The following DLGAP2 variants were observed in gnomAD, a reference collection of about 807,000 sequenced individuals.
The protein encoded by DLGAP2 is disks large-associated protein 2.
A neutral mutation model predicts 100.3 loss-of-function variants in DLGAP2; 26 were observed. That is an observed-to-expected ratio of 0.26 (90% CI 0.19 to 0.36). DLGAP2 has a LOEUF of 0.36. DLGAP2 is among the 10% of genes least tolerant of loss of function. DLGAP2 has a pLI of 1.00. For synonymous variants in DLGAP2, 886 were observed against 630.1 expected, an observed-to-expected ratio of 1.41 and a Z score of -6.08; for missense variants, 1,858 against 1,453.2, an observed-to-expected ratio of 1.28 and a Z score of -4.53.
intron 8 of DLGAP2, among the ~76,000 whole-genome samples, chr8:1,633,586 C>A (rs958468843): frequency 1.3e-5 from 2 of 152,162 alleles, no homozygotes; most frequent in African/African-American, 4.8e-5. Context: ...CCATACCCAC[C>A]CCTTTGAAAA....
chr8:1,499,645 T>C (rs1302724164), intron 3 of DLGAP2, among the ~76,000 whole-genome samples: 1 of 152,262 alleles, frequency 6.6e-6, no homozygotes, highest in Non-Finnish European at 1.5e-5. Context: ...GAAATGGGGT[T>C]ATGTTAAATC....
intron 2 of DLGAP2, among the ~76,000 whole-genome samples, chr8:1,180,631 C>CGT (rs1797363425): frequency 6.6e-6 from 1 of 151,208 alleles, no homozygotes; most frequent in East Asian, 2.0e-4. Context: ...CACCATCAAG[C>CGT]GTGTCAGTGT....
chr8:1,455,266 T>C (rs989588503), intron 3 of DLGAP2, among the ~76,000 whole-genome samples: 1 of 152,210 alleles, frequency 6.6e-6, no homozygotes. Context: ...GTCCCGCCCA[T>C]CTCAGGCACT....
intron 3 of DLGAP2, among the ~76,000 whole-genome samples, chr8:1,337,435 A>ATGG (rs1467476350): frequency 7.8e-6 from 1 of 128,968 alleles, no homozygotes; most frequent in Non-Finnish European, 1.7e-5. Context: ...GGTGATGGTG[A>ATGG]TGATGATGAT....
chr8:1,649,121 T>C (rs975398914), intron 8 of DLGAP2, among the ~76,000 whole-genome samples: 8 of 152,236 alleles, frequency 5.3e-5, no homozygotes, highest in Non-Finnish European at 1.2e-4. Flanking sequence ...GGTGTATACA[T>C]TGAATTTGAA....
At chr8:1,534,553 ACTC>A (rs1185155336) in intron 4 of DLGAP2, among the ~76,000 whole-genome samples, 3 of 152,090 alleles carry the variant, frequency 2.0e-5, no homozygotes, top group Non-Finnish European at 4.4e-5. Flanking sequence ...GAATCACAAA[ACTC>A]CTTATGTTCA....
At chr8:1,458,209 G>A (rs920993849) in intron 3 of DLGAP2, among the ~76,000 whole-genome samples, 2 of 151,784 alleles carry the variant, frequency 1.3e-5, no homozygotes, top group Non-Finnish European at 2.9e-5. Context: ...CCCAGCCTCT[G>A]TTGTCTGATC....
chr8:1,230,250 C>T (rs866634451), intron 2 of DLGAP2, among the ~76,000 whole-genome samples: 1 of 152,136 alleles, frequency 6.6e-6, no homozygotes, highest in South Asian at 2.1e-4. Flanking sequence ...ATCAAGAACG[C>T]TATCCTATTC....
chr8:1,190,517 C>T (rs1797609826), intron 2 of DLGAP2, among the ~76,000 whole-genome samples: 2 of 152,266 alleles, frequency 1.3e-5, no homozygotes, highest in African/African-American at 2.4e-5. Flanking sequence ...AGGAGGCACC[C>T]GTCCCGTTCG....
At chr8:955,627 C>A (rs989684293) in intron 2 of DLGAP2, among the ~76,000 whole-genome samples, 1 of 152,122 alleles carries the variant, frequency 6.6e-6, no homozygotes, top group African/African-American at 2.4e-5. Context: ...AGTGACAGTG[C>A]TCCGTTTTTC....
intron 1 of DLGAP2, among the ~76,000 whole-genome samples, chr8:757,007 C>T (rs1820938057): frequency 6.6e-6 from 1 of 152,174 alleles, no homozygotes; most frequent in South Asian, 2.1e-4. Context: ...GAATGTTTGC[C>T]TCAAGAAGCT....
chr8:1,423,941 G>GA (rs1466368027), intron 3 of DLGAP2, among the ~76,000 whole-genome samples: 1 of 152,234 alleles, frequency 6.6e-6, no homozygotes, highest in Non-Finnish European at 1.5e-5. Flanking sequence ...AAGCAGTGCT[G>GA]AAAAATAGAT....
intron 1 of DLGAP2, among the ~76,000 whole-genome samples, chr8:778,402 G>A (rs967178452): frequency 1.2e-4 from 19 of 152,314 alleles, no homozygotes; most frequent in East Asian, 5.8e-4. Flanking sequence ...ACTGCGTTCC[G>A]TTGGAGGAGG....
intron 1 of DLGAP2, among the ~76,000 whole-genome samples, chr8:809,293 A>T (rs1471074946): frequency 6.6e-6 from 1 of 152,212 alleles, no homozygotes; most frequent in African/African-American, 2.4e-5. Context: ...TGTCCAAATT[A>T]GTTCATAAAC....
At chr8:1,119,144 C>G (rs1362389950) in intron 2 of DLGAP2, among the ~76,000 whole-genome samples, 1 of 152,142 alleles carries the variant, frequency 6.6e-6, no homozygotes, top group African/African-American at 2.4e-5. Flanking sequence ...GCAGTTTGGC[C>G]CATATTATTT....
intron 2 of DLGAP2, among the ~76,000 whole-genome samples, chr8:1,042,734 G>A (rs144589654): frequency 0.025 from 3,459 of 141,060 alleles, 321 homozygotes; most frequent in African/African-American, 0.092. Context: ...GATGTGAGTG[G>A]TGGATGTGGG....
intron 2 of DLGAP2, among the ~76,000 whole-genome samples, chr8:1,079,544 G>A (rs1382785320): frequency 6.6e-6 from 1 of 152,260 alleles, no homozygotes; most frequent in South Asian, 2.1e-4. Flanking sequence ...TCTATGTTTT[G>A]TGGTTTCGTC....
At chr8:1,616,382 C>T (rs920972881) in intron 6 of DLGAP2, among the ~76,000 whole-genome samples, 7 of 152,210 alleles carry the variant, frequency 4.6e-5, no homozygotes, top group Middle Eastern at 3.4e-3. Flanking sequence ...AAAGAATCCA[C>T]AGACCCAAAA....
At chr8:847,856 T>C (rs1371174391) in intron 1 of DLGAP2, among the ~76,000 whole-genome samples, 1 of 152,214 alleles carries the variant, frequency 6.6e-6, no homozygotes, top group Non-Finnish European at 1.5e-5. Context: ...TTTCTGCTCC[T>C]GTCTTTATTA....
Sources: gnomAD v4.1 joint callset for allele counts (sites outside exome capture counted in the v4.1 genomes callset) on GRCh38, gnomAD v4.1.1 for gene constraint, MANE v1.5 for transcripts, NCBI Gene and HGNC (gene_info 2026-07-23, HGNC 2026-07-21) for gene names.